Variants in HIP1R observed in about 807,000 individuals in gnomAD.
HIP1R encodes the protein huntingtin-interacting protein 1-related protein.
Under a neutral mutation model 144.2 loss-of-function variants are expected in HIP1R, and 135 were observed. That is an observed-to-expected ratio of 0.94 (90% confidence interval 0.81 to 1.08). The LOEUF is 1.08. HIP1R is among the 50% of genes least tolerant of loss of function. HIP1R has a pLI of 0.00. For missense variants in HIP1R, 1,462 were observed against 1,432.8 expected, an observed-to-expected ratio of 1.02 and a Z score of -0.33; for synonymous variants, 698 against 612.8, an observed-to-expected ratio of 1.14 and a Z score of -2.05.
In HIP1R at chr12:122,850,821, G is replaced by A. The variant is rs1189929925; in HGVS notation, c.439-14G>A. On this transcript the variant is annotated splice_polypyrimidine_tract_variant and intron_variant, in intron 5 of 31. Transcript: ENST00000253083. ...CCTGGTTCAGTGGCCGCTGGGTGGG[G>A]GTTCTCTCCACAGCATCCCCAGTTT... is the stretch of plus-strand genomic sequence containing the variant. The A allele has an allele frequency of 6.2e-7, 1 of 1,605,014 alleles. No individual in the cohort carries two copies. Among genetic ancestry groups the A allele is most frequent in the Non-Finnish European group, 8.5e-7 (1 of 1,177,132 alleles).
At position 122,861,815 on chromosome 12, in the gene HIP1R, A is replaced by G; in HGVS notation, c.*62A>G. The G allele has an allele frequency of 6.6e-7, 1 of 1,504,766 alleles. No individual in the cohort carries two copies. Among genetic ancestry groups the G allele is most frequent in the Non-Finnish European group, 9.2e-7 (1 of 1,086,238 alleles). The allele number at this position is 1,504,766 out of a possible 1,614,324, so 93.2% of individuals were successfully genotyped here. ...CCTGGGCCTCTGCAACTGCCCTGACAGGACCGAGAGGCCTTGCCCCTCCAC... is the reference window on the plus strand; with the variant it reads ...CCTGGGCCTCTGCAACTGCCCTGACGGGACCGAGAGGCCTTGCCCCTCCAC... On this transcript the variant is annotated 3_prime_UTR_variant, in exon 32 of 32. Coordinates refer to ENST00000253083, the MANE Select transcript of HIP1R (RefSeq NM_003959.3).
chr12:122,854,017 T>A (rs758297592), intron 7 of HIP1R, 26 bp from the exon 8 acceptor site: 1 of 1,609,296 alleles, frequency 6.2e-7, no homozygotes, highest in Admixed American at 1.7e-5. Context: ...AGGGCTCACG[T>A]TCTTCCTCCT....
chr12:122,834,896 A>T (rs1593852587), upstream of HIP1R: 1 of 1,216,576 alleles, frequency 8.2e-7, no homozygotes, highest in East Asian at 5.7e-5. Flanking sequence ...TGACACATAC[A>T]TTAAGACCAA....
chr12:122,856,815 T>C, intron 17 of HIP1R, 89 bp downstream of exon 17: 1 of 1,207,170 alleles, frequency 8.3e-7, no homozygotes, highest in Non-Finnish European at 1.2e-6. Flanking sequence ...AGGCCCCACC[T>C]GGGTGCCACT....
intron 1 of HIP1R, among the ~76,000 whole-genome samples, chr12:122,841,091 G>C (rs117165056): frequency 1.3e-4 from 20 of 152,312 alleles, no homozygotes; most frequent in Non-Finnish European, 2.2e-4. Flanking sequence ...GCTAACCTGA[G>C]ACGCCTTGGC....
intron 8 of HIP1R, among the ~76,000 whole-genome samples, 176 bp from the exon 9 acceptor site, chr12:122,854,729 T>C (rs1195919888): frequency 2.6e-5 from 4 of 152,196 alleles, no homozygotes; most frequent in African/African-American, 9.6e-5. Context: ...CAGTCTGAAC[T>C]GAGCCCTCCC....
At position 122,855,701 on chromosome 12, in the gene HIP1R, A is replaced by G. The variant is rs1033391711; in HGVS notation, c.1055+89A>G. ...CTGGACAGTTCTGTCTGGAAAGGCC[A>G]TAGGTGGGGAACATGAACCCGTGAG... On this transcript the variant is annotated intron_variant, in intron 12 of 31. Coordinates refer to ENST00000253083, the MANE Select transcript of HIP1R (RefSeq NM_003959.3). The G allele has an allele frequency of 5.3e-6, 8 of 1,516,596 alleles. No individual in the cohort carries two copies. The African/African-American group carries it at 8.3e-5, about 16-fold the overall frequency. The allele number at this position is 1,516,596 out of a possible 1,614,324, so 93.9% of individuals were successfully genotyped here. A position where few individuals can be genotyped will look rare whatever the true frequency, so the allele number is the denominator to read the frequency against.
At position 122,861,382 on chromosome 12, in the gene HIP1R, C is replaced by CG; in HGVS notation, c.3028dup (p.Val1010GlyfsTer46). ...TGGGGGAGTTGCGGAAGCAACACTA[C>CG]GTGCTGGCTGGGGCATCAGGCAGCC... On this transcript the variant is annotated frameshift_variant, in exon 31 of 32. Coordinates refer to ENST00000253083, the MANE Select transcript of HIP1R (RefSeq NM_003959.3). LOFTEE classifies it high-confidence loss of function. 6.2e-7 allele frequency: 1 copy of CG among 1,613,574 alleles called. No individual in the cohort carries two copies. The highest frequency in any genetic ancestry group is 8.5e-7 in the Non-Finnish European group (1 of 1,179,906).
chr12:122,849,377 G>A (rs1262796999), intron 4 of HIP1R, among the ~76,000 whole-genome samples: 1 of 152,266 alleles, frequency 6.6e-6, no homozygotes, highest in Non-Finnish European at 1.5e-5. Flanking sequence ...CAGGGACATA[G>A]GAGCAGGGCA....
At chr12:122,854,508 G>A (rs779901956) in intron 8 of HIP1R, among the ~76,000 whole-genome samples, 2 of 152,194 alleles carry the variant, frequency 1.3e-5, no homozygotes, top group Non-Finnish European at 2.9e-5. Flanking sequence ...AAGGCAAAAG[G>A]TGTCTGGGGT....
Position 122,856,144 on chromosome 12 carries a change from C to A in HIP1R, c.1293C>A (p.Gly431=). 6.3e-7 allele frequency: 1 copy of A among 1,596,050 alleles called. No homozygotes were observed. Among genetic ancestry groups the A allele is most frequent in the South Asian group, 1.1e-5 (1 of 88,926 alleles). Residue 431 remains glycine (G), a synonymous_variant, in exon 14 of 32, where the codon GGC becomes GGA. Transcript: ENST00000253083. ...AGCTGGAGGGCGAGCGGAGCCAGGGCCTGCGTGAGGAGGCTGAGAGTACGT... is the reference window on the plus strand; with the variant it reads ...AGCTGGAGGGCGAGCGGAGCCAGGGACTGCGTGAGGAGGCTGAGAGTACGT... ...AAQLEGERSQ[G]LREEAERKAS...
At chr12:122,851,063 T>C in intron 6 of HIP1R, 152 bp downstream of exon 6, 1 of 878,426 alleles carries the variant, frequency 1.1e-6, no homozygotes, top group Non-Finnish European at 1.8e-6. Flanking sequence ...GGACAGAGGG[T>C]GAAGTTAAAA....
intron 1 of HIP1R, among the ~76,000 whole-genome samples, chr12:122,843,284 C>G (rs1006810746): frequency 6.6e-5 from 10 of 152,212 alleles, no homozygotes; most frequent in African/African-American, 2.2e-4. Context: ...CCATGTCTGG[C>G]CCACATCTTT....
Position 122,860,714 on chromosome 12 carries a change from A to G in HIP1R, c.2696A>G (p.Lys899Arg), listed in dbSNP as rs1425302547. Residue 899 changes from lysine (K) to arginine (R), a missense_variant, in exon 28 of 32, where the codon AAG (lysine) becomes AGG (arginine). By Grantham distance (26) the Lys-to-Arg change is conservative. Around this residue, in one of 2 missense-constraint regions of HIP1R, gnomAD observed 1,112 missense variants for 1,011.7 expected, o/e 1.10. Coordinates refer to ENST00000253083, the MANE Select transcript of HIP1R (RefSeq NM_003959.3). ...AADKVVLHTG[K>R]YEELIVCSHE... ...GACAAGGTGGTGCTTCACACGGGCAAGTATGAGGAGCTCATCGTCTGCTCC... is the reference window on the plus strand; with the variant it reads ...GACAAGGTGGTGCTTCACACGGGCAGGTATGAGGAGCTCATCGTCTGCTCC... The G allele has an allele frequency of 1.2e-6, 2 of 1,613,354 alleles. No homozygotes were observed. The highest frequency in any genetic ancestry group is 2.2e-5 in the East Asian group (1 of 44,864).
intron 1 of HIP1R, among the ~76,000 whole-genome samples, chr12:122,845,932 C>T (rs1354996904): frequency 6.6e-6 from 1 of 152,206 alleles, no homozygotes; most frequent in East Asian, 1.9e-4. Context: ...TCTAGGGTCC[C>T]TATCTCAGCC....
chr12:122,844,066 T>C (rs1455536985), intron 1 of HIP1R, among the ~76,000 whole-genome samples: 1 of 152,184 alleles, frequency 6.6e-6, no homozygotes, highest in Non-Finnish European at 1.5e-5. Context: ...CTCAAACTCC[T>C]GACCTCAAGT....
At chr12:122,835,414 G>T, upstream of HIP1R, 1 of 1,134,624 alleles carries the variant, frequency 8.8e-7, no homozygotes, top group Non-Finnish European at 1.1e-6. Flanking sequence ...GTTGGGGGCG[G>T]GGCGAGGCGG....
At position 122,859,745 on chromosome 12, in the gene HIP1R, AGCTCACG is replaced by A. The variant is rs760074115; in HGVS notation, c.2407-22_2407-16del. Reference sequence around the variant, plus strand: ...GGACCACGGTCCCCTCCTCCCAGCCAGCTCACGGCTCTGTTCTTGGGTGCAGGACATG... The same window carrying A: ...GGACCACGGTCCCCTCCTCCCAGCCAGCTCTGTTCTTGGGTGCAGGACATG... On this transcript the variant is annotated intron_variant, in intron 23 of 31. Transcript: ENST00000253083. 6.2e-7 allele frequency: 1 copy of A among 1,608,622 alleles called. No individual in the cohort carries two copies. The highest frequency in any genetic ancestry group is 1.1e-5 in the South Asian group (1 of 90,846).
In HIP1R at chr12:122,860,901, C is replaced by A. The variant is rs1193918544; in HGVS notation, c.2767-15C>A. The A allele has an allele frequency of 2.5e-6, 4 of 1,606,502 alleles. No individual in the cohort carries two copies. Among genetic ancestry groups the A allele is most frequent in the Non-Finnish European group, 3.4e-6 (4 of 1,176,906 alleles). The stretch of plus-strand genomic sequence containing the variant: ...GCTGGGAGACCTGGGCCCACCCTGA[C>A]CTCTCGCCCCTCAGGTGAAGGCCAA... On this transcript the variant is annotated splice_polypyrimidine_tract_variant and intron_variant, in intron 28 of 31. Transcript: ENST00000253083.
Sources: gnomAD v4.1 joint callset for allele counts (sites outside exome capture counted in the v4.1 genomes callset) on GRCh38, gnomAD v4.1.1 for gene constraint, gnomAD v4.1.1 regional missense constraint, MANE v1.5 for transcripts, NCBI Gene and HGNC (gene_info 2026-07-23, HGNC 2026-07-21) for gene names.